NRXN3: variants seen among roughly 807,000 people sequenced by gnomAD.
The protein encoded by NRXN3 is neurexin III.
A neutral mutation model predicts 137.6 loss-of-function variants in NRXN3; 32 were observed. The observed-to-expected ratio is 0.23, with a 90% CI of 0.18 to 0.31. NRXN3 has a LOEUF of 0.31. NRXN3 is among the 10% of genes least tolerant of loss of function. The pLI is 1.00. For synonymous variants in NRXN3, 798 were observed against 784.5 expected, an observed-to-expected ratio of 1.02 and a Z score of -0.29; for missense variants, 1,574 against 2,062.5, an observed-to-expected ratio of 0.76 and a Z score of 4.59.
intron 17 of NRXN3, among the ~76,000 whole-genome samples, chr14:79,690,427 T>C (rs1257365121): frequency 6.6e-6 from 1 of 152,072 alleles, no homozygotes; most frequent in African/African-American, 2.4e-5. Context: ...TTTTTTTCTA[T>C]GAGAAATGAT....
intron 20 of NRXN3, among the ~76,000 whole-genome samples, chr14:79,806,254 A>C (rs1008744839): frequency 1.3e-5 from 2 of 152,156 alleles, no homozygotes; most frequent in African/African-American, 4.8e-5. Flanking sequence ...AATTCTAGAA[A>C]ATTTAAGCTT....
chr14:78,598,952 A>G (rs557713955), intron 4 of NRXN3, among the ~76,000 whole-genome samples: 1 of 152,340 alleles, frequency 6.6e-6, no homozygotes, highest in African/African-American at 2.4e-5. Context: ...TGAAGATCAT[A>G]TGGGCATTGT....
chr14:79,792,763 ATCCT>A (rs2099149209), intron 19 of NRXN3, among the ~76,000 whole-genome samples: 1 of 152,196 alleles, frequency 6.6e-6, no homozygotes, highest in Non-Finnish European at 1.5e-5. Flanking sequence ...GGCTTTCAAA[ATCCT>A]TTGAGGGAAG....
chr14:78,499,821 C>T lies in NRXN3; in HGVS notation c.758-145299C>T, dbSNP rs553231233. Among the ~76,000 whole-genome samples the T allele has an allele frequency of 1.5e-4, 23 of 152,166 alleles. No individual in the cohort carries two copies. The East Asian group carries it at 3.3e-3, about 22-fold the overall frequency. ...CTAGAGGCTGCCCTCAGTTTCTTGC[C>T]GTGTGGGCTTTCCCATCATGGCAGC... On this transcript the variant is annotated intron_variant, in intron 4 of 20. Coordinates refer to ENST00000335750, the MANE Select transcript of NRXN3 (RefSeq NM_001330195.2).
chr14:79,626,298 G>A (rs1444459959), intron 16 of NRXN3, among the ~76,000 whole-genome samples: 2 of 152,062 alleles, frequency 1.3e-5, no homozygotes. Context: ...CTTCAAGGCA[G>A]TCTGGGACCT....
chr14:79,680,684 GA>G (rs957117644), intron 17 of NRXN3, among the ~76,000 whole-genome samples: 1 of 151,616 alleles, frequency 6.6e-6, no homozygotes, highest in Non-Finnish European at 1.5e-5. Context: ...TGTTTGCTCA[GA>G]AAAAAAAGAA....
chr14:78,711,196 C>T (rs2152837800), intron 7 of NRXN3, among the ~76,000 whole-genome samples: 1 of 140,754 alleles, frequency 7.1e-6, no homozygotes, highest in South Asian at 2.3e-4. Flanking sequence ...TAACCTAGAC[C>T]TTGGCACAGC....
At chr14:79,258,975 C>G (rs762312686) in intron 15 of NRXN3, among the ~76,000 whole-genome samples, 4 of 152,182 alleles carry the variant, frequency 2.6e-5, no homozygotes, top group Non-Finnish European at 5.9e-5. Context: ...ACAGTGGGAT[C>G]AGATGTCCTT....
chr14:79,060,608 G>T (rs1487515424), intron 15 of NRXN3, among the ~76,000 whole-genome samples: 3 of 152,206 alleles, frequency 2.0e-5, no homozygotes, highest in Non-Finnish European at 4.4e-5. Flanking sequence ...ATGATGAAAA[G>T]AATTTGGTTT....
chr14:79,734,790 TC>T (rs2098936212), intron 19 of NRXN3, among the ~76,000 whole-genome samples: 1 of 152,186 alleles, frequency 6.6e-6, no homozygotes, highest in African/African-American at 2.4e-5. Flanking sequence ...GATTCCAGTC[TC>T]TTGCTTTCCC....
At position 78,598,986 on chromosome 14, in the gene NRXN3, T is replaced by G. The variant is rs186021214; in HGVS notation, c.758-46134T>G. 1.2e-4 allele frequency among the ~76,000 whole-genome samples: 19 copies of G among 152,188 alleles called. No individual in the cohort carries two copies. The East Asian group carries it at 2.9e-3, about 23-fold the overall frequency. On this transcript the variant is annotated intron_variant, in intron 4 of 20. Coordinates refer to ENST00000335750, the MANE Select transcript of NRXN3 (RefSeq NM_001330195.2). ...GTTGATGTTGGGCTCAGGCAGAGAG[T>G]TCTTAGTAGGGTCTTCTTACCCTGA...
At chr14:79,718,335 T>G (rs1185745697) in intron 19 of NRXN3, among the ~76,000 whole-genome samples, 4 of 152,088 alleles carry the variant, frequency 2.6e-5, no homozygotes, top group Non-Finnish European at 5.9e-5. Flanking sequence ...AGAAATCTGG[T>G]GTGAGGTAAG....
At chr14:79,809,042 T>A (rs545283059) in intron 20 of NRXN3, among the ~76,000 whole-genome samples, 83 of 152,306 alleles carry the variant, frequency 5.4e-4, no homozygotes, top group African/African-American at 1.9e-3. Context: ...GGTAAATATG[T>A]AGAGAAATTT....
chr14:79,511,047 A>G (rs1350673066), intron 16 of NRXN3, among the ~76,000 whole-genome samples: 1 of 152,150 alleles, frequency 6.6e-6, no homozygotes, highest in East Asian at 1.9e-4. Flanking sequence ...GTTTTGGAAG[A>G]ATTCTTAATG....
At chr14:78,588,315 A>G (rs956824235) in intron 4 of NRXN3, among the ~76,000 whole-genome samples, 3 of 152,208 alleles carry the variant, frequency 2.0e-5, no homozygotes, top group African/African-American at 4.8e-5. Flanking sequence ...TATCCTTTGC[A>G]TATATTGTTG....
At chr14:79,437,182 C>T (rs1417676272) in intron 15 of NRXN3, among the ~76,000 whole-genome samples, 1 of 152,092 alleles carries the variant, frequency 6.6e-6, no homozygotes, top group East Asian at 1.9e-4. Flanking sequence ...TCCCCAAATT[C>T]TGAGCTGCTT....
chr14:78,650,727 A>G (rs756559709), intron 5 of NRXN3, among the ~76,000 whole-genome samples: 16 of 152,312 alleles, frequency 1.1e-4, no homozygotes, highest in Non-Finnish European at 1.5e-4. Flanking sequence ...AAAACCATCA[A>G]CAACCAAAGA....
At chr14:79,737,431 T>C (rs2098945878) in intron 19 of NRXN3, among the ~76,000 whole-genome samples, 1 of 152,224 alleles carries the variant, frequency 6.6e-6, no homozygotes, top group Admixed American at 6.5e-5. Flanking sequence ...CTGAGTCCTC[T>C]TTTTAGTAAA....
At chr14:78,830,105 G>A (rs1216880671) in intron 10 of NRXN3, among the ~76,000 whole-genome samples, 4 of 152,020 alleles carry the variant, frequency 2.6e-5, no homozygotes, top group South Asian at 2.1e-4. Flanking sequence ...AAATTGCTTC[G>A]AAATACATAC....
Sources: gnomAD v4.1 joint callset for allele counts (sites outside exome capture counted in the v4.1 genomes callset) on GRCh38, gnomAD v4.1.1 for gene constraint, MANE v1.5 for transcripts, NCBI Gene and HGNC (gene_info 2026-07-23, HGNC 2026-07-21) for gene names.